Variants in SVIL observed in about 807,000 individuals in gnomAD.
The protein encoded by SVIL is archvillin.
SVIL carries 101 observed loss-of-function variants against 240.4 expected under a neutral mutation model. The ratio of observed to expected loss-of-function variants is 0.42; its 90% confidence interval spans 0.36 to 0.50. SVIL has a LOEUF of 0.50. Among genes scored for constraint, SVIL ranks in the 20% least tolerant of loss-of-function variants. The pLI, the probability that SVIL is intolerant of heterozygous loss-of-function variation, is 0.01. For missense variants in SVIL, 2,512 were observed against 2,818.7 expected (o/e 0.89, Z 2.46); for synonymous variants, 999 against 1,100.0 (o/e 0.91, Z 1.82).
chr10:29,595,625 C>T (rs1321897177), intron 1 of SVIL, among the ~76,000 whole-genome samples: 1 of 152,188 alleles, frequency 6.6e-6, no homozygotes, highest in African/African-American at 2.4e-5. Context: ...GGTAGGCAAA[C>T]CCTTACGACT....
rs532686780 is a variant in SVIL, at chr10:29,622,175, G to A, written c.-201+12245C>T. 1.7e-4 allele frequency among the ~76,000 whole-genome samples: 25 copies of A among 148,354 alleles called. No individual in the cohort carries two copies. The South Asian group carries it at 5.4e-3, about 32-fold the overall frequency. The stretch of plus-strand genomic sequence containing the variant: ...TGAGGCAGGAGAATGGCGTGAACCC[G>A]GGAGGCGGAGCTTGCAGTGAGCCGA... On this transcript the variant is annotated intron_variant, in intron 1 of 37. Transcript: ENST00000355867.
At position 29,486,692 on chromosome 10, in the gene SVIL, G is replaced by A. The variant is rs113749163; in HGVS notation, c.4486-135C>T. The A allele has an allele frequency of 1.8e-3, 1,650 of 929,702 alleles. 14 individuals are homozygous for A. The African/African-American group carries it at 0.022, about 13-fold the overall frequency. 57.6% of individuals were successfully genotyped at this position (929,702 alleles called of 1,614,324 possible). Reference sequence around the variant, plus strand: ...TGACCACGGGTGTGGGTGGATGCTGGTTACTGGGTATTTTCAATGACCTCA... The same window carrying A: ...TGACCACGGGTGTGGGTGGATGCTGATTACTGGGTATTTTCAATGACCTCA... On this transcript the variant is annotated intron_variant, in intron 24 of 37. Transcript: ENST00000355867.
chr10:29,634,039 AC>A (rs1301816443), intron 1 of SVIL, among the ~76,000 whole-genome samples: 2 of 152,012 alleles, frequency 1.3e-5, no homozygotes, highest in African/African-American at 4.8e-5. Context: ...TCTGAACTCC[AC>A]CCCCATACTT....
At chr10:29,584,840 A>G (rs540205188) in intron 1 of SVIL, among the ~76,000 whole-genome samples, 52 of 152,314 alleles carry the variant, frequency 3.4e-4, no homozygotes, top group East Asian at 9.7e-4. Flanking sequence ...AAATTCAGAT[A>G]CTTGTCACAC....
At chr10:29,490,483 T>C (rs534609447) in intron 22 of SVIL, among the ~76,000 whole-genome samples, 3 of 151,886 alleles carry the variant, frequency 2.0e-5, no homozygotes, top group South Asian at 4.2e-4. Context: ...TGCGGTGGCT[T>C]GTGCCTGTAA....
chr10:29,611,836 C>T (rs1241015700), intron 1 of SVIL, among the ~76,000 whole-genome samples: 1 of 152,054 alleles, frequency 6.6e-6, no homozygotes, highest in Non-Finnish European at 1.5e-5. Context: ...GACCCCCTAC[C>T]CTTGGGACAG....
chr10:29,562,298 G>A (rs1031352477), intron 3 of SVIL, among the ~76,000 whole-genome samples: 6 of 152,174 alleles, frequency 3.9e-5, no homozygotes, highest in African/African-American at 1.4e-4. Flanking sequence ...AACACTAGGG[G>A]GAATTGGTTT....
At chr10:29,633,210 C>T (rs1958173032) in intron 1 of SVIL, among the ~76,000 whole-genome samples, 2 of 144,296 alleles carry the variant, frequency 1.4e-5, no homozygotes, top group Admixed American at 7.3e-5. Flanking sequence ...GCACTCCAGC[C>T]TGGGTGACAG....
At chr10:29,640,820 AACTTC>A (rs770513832) in intron 3 of SVIL, among the ~76,000 whole-genome samples, 52 of 152,098 alleles carry the variant, frequency 3.4e-4, no homozygotes, top group Non-Finnish European at 6.0e-4. Flanking sequence ...GGAGCCTCCA[AACTTC>A]ACTTCCACCT....
intron 11 of SVIL, 77 bp from the exon 12 acceptor site, chr10:29,529,921 A>C: frequency 6.9e-7 from 1 of 1,450,734 alleles, no homozygotes; most frequent in Non-Finnish European, 9.2e-7. Context: ...CTGTAATCCC[A>C]GCACTTTGGG....
In SVIL at chr10:29,705,949, T is replaced by C. The variant is rs554713386; in HGVS notation, c.-399-19298A>G. On this transcript the variant is annotated intron_variant, in intron 1 of 35. Coordinates refer to the SVIL transcript ENST00000375400. ...TGTAAATAGTGCTGCAATGAACATA[T>C]GTGTGCATGTTTCTTTATAATAGAA... Among the ~76,000 whole-genome samples the C allele has an allele frequency of 3.3e-5, 5 of 152,348 alleles. 1 individual carries two copies. In the South Asian group the frequency reaches 1.0e-3, roughly 32 times the overall value.
chr10:29,563,394 A>G, intron 2 of SVIL, 102 bp from the exon 3 acceptor site: 1 of 329,780 alleles, frequency 3.0e-6, no homozygotes, highest in Non-Finnish European at 4.3e-6. Context: ...ACATCATTCA[A>G]TATGTACACA....
intron 11 of SVIL, among the ~76,000 whole-genome samples, chr10:29,530,079 T>G (rs1780850291): frequency 1.3e-5 from 2 of 151,920 alleles, no homozygotes; most frequent in Non-Finnish European, 2.9e-5. Context: ...GAGGCTGAGG[T>G]GGGAACATCA....
rs370467310 is a variant in SVIL at position 29,507,696 on chromosome 10, A to G, written c.3516+5039T>C. ...AACAGAAGTTCTTTTCCTATTGCTC[A>G]GAAATTGCAGTGAGGCTTAAGATGA... On this transcript the variant is annotated intron_variant, in intron 17 of 37. Transcript: ENST00000355867. 1.1e-4 allele frequency: 101 copies of G among 923,706 alleles called. No homozygotes were observed. In the African/African-American group the frequency reaches 1.6e-3, roughly 15 times the overall value. 57.2% of individuals were successfully genotyped at this position (923,706 alleles called of 1,614,324 possible). A position where few individuals can be genotyped will look rare whatever the true frequency, so the allele number is the denominator to read the frequency against.
chr10:29,631,790 A>C (rs28504002), intron 1 of SVIL, among the ~76,000 whole-genome samples: 3 of 151,932 alleles, frequency 2.0e-5, no homozygotes, highest in African/African-American at 7.3e-5. Flanking sequence ...AATAAAAAAT[A>C]AAAAAGATGG....
intron 6 of SVIL, among the ~76,000 whole-genome samples, chr10:29,546,522 A>C (rs1256446814): frequency 2.0e-5 from 3 of 152,156 alleles, no homozygotes; most frequent in Admixed American, 1.3e-4. Context: ...TGTAAAATAA[A>C]TGTATTATTC....
chr10:29,643,851 T>C (rs544245275), intron 3 of SVIL: 3 of 398,472 alleles, frequency 7.5e-6, no homozygotes, highest in Non-Finnish European at 1.0e-5. Flanking sequence ...AATGGGTGTG[T>C]AGCAGAGCTC....
rs189477409 is a variant in SVIL at position 29,501,499 on chromosome 10, T to C, written c.3517-2236A>G. Reference sequence around the variant, plus strand: ...AGCGAGAGTGAAGGAGGGGGGCCAATGTCAACAATGAGTGGTTCTGGTAAA... The same window carrying C: ...AGCGAGAGTGAAGGAGGGGGGCCAACGTCAACAATGAGTGGTTCTGGTAAA... On this transcript the variant is annotated intron_variant, in intron 17 of 37. Transcript: ENST00000355867. Among the ~76,000 whole-genome samples the C allele has an allele frequency of 8.6e-5, 13 of 151,884 alleles. No individual in the cohort carries two copies. The East Asian group carries it at 2.3e-3, about 27-fold the overall frequency.
intron 1 of SVIL, among the ~76,000 whole-genome samples, chr10:29,588,933 T>C (rs1331225943): frequency 1.3e-5 from 2 of 149,768 alleles, no homozygotes; most frequent in African/African-American, 4.9e-5. Context: ...TTATTCCTTG[T>C]CCTTAAAATA....
Sources: allele counts gnomAD v4.1 joint callset (sites outside exome capture counted in the v4.1 genomes callset), GRCh38; gene constraint gnomAD v4.1.1; transcripts MANE v1.5; gene names NCBI Gene and HGNC (gene_info 2026-07-23, HGNC 2026-07-21).